The following HDDC2 variants were observed in gnomAD, a reference collection of about 807,000 sequenced individuals.
HDDC2 encodes the protein HD domain containing 2, also known as 5'-deoxynucleotidase HDDC2.
Under a neutral mutation model 25.5 loss-of-function variants are expected in HDDC2, and 25 were observed. The observed-to-expected ratio is 0.98, with a 90% CI of 0.72 to 1.37. The LOEUF is 1.37. HDDC2 is among the 40% of genes most tolerant of loss of function. The probability of loss-of-function intolerance (pLI) is 0.00; values close to 1 mark genes in which losing one functional copy is unlikely to be tolerated. For missense variants in HDDC2, 264 were observed against 253.1 expected, an observed-to-expected ratio of 1.04 and a Z score of -0.29; for synonymous variants, 106 against 89.7, an observed-to-expected ratio of 1.18 and a Z score of -1.03.
At chr6:125,298,389 A>G (rs997466054) in intron 3 of HDDC2, among the ~76,000 whole-genome samples, 4 of 152,230 alleles carry the variant, frequency 2.6e-5, no homozygotes, top group Non-Finnish European at 5.9e-5. Flanking sequence ...TAAGGCTGTA[A>G]ACCCCCTAAA....
At chr6:125,295,805 C>G (rs565377011) in intron 3 of HDDC2, among the ~76,000 whole-genome samples, 10 of 152,298 alleles carry the variant, frequency 6.6e-5, no homozygotes, top group African/African-American at 2.4e-4. Flanking sequence ...AGGAATATGA[C>G]CTGCCACCAT....
At chr6:125,282,822 T>C (rs1798478443) in intron 4 of HDDC2, among the ~76,000 whole-genome samples, 1 of 152,172 alleles carries the variant, frequency 6.6e-6, no homozygotes, top group Non-Finnish European at 1.5e-5. Flanking sequence ...GAGGAAGATT[T>C]ACCAAGCAAA....
intron 3 of HDDC2, among the ~76,000 whole-genome samples, chr6:125,297,220 C>T (rs1798717522): frequency 6.6e-6 from 1 of 152,194 alleles, no homozygotes; most frequent in Non-Finnish European, 1.5e-5. Flanking sequence ...TTCCTTTCTG[C>T]AACTAAGAAT....
At chr6:125,277,910 T>A (rs1405199582) in intron 4 of HDDC2, 3 of 152,212 alleles carry the variant, frequency 2.0e-5, no homozygotes, top group Non-Finnish European at 4.4e-5. Flanking sequence ...GGTCCCTCCC[T>A]CTGCAGTGCA....
At chr6:125,297,518 C>A in intron 3 of HDDC2, 1 of 399,376 alleles carries the variant, frequency 2.5e-6, no homozygotes, top group Non-Finnish European at 4.4e-6. Context: ...CTACTGAGCC[C>A]GTTAGTCTAC....
chr6:125,280,972 G>A (rs1282620871), intron 4 of HDDC2, among the ~76,000 whole-genome samples: 1 of 152,200 alleles, frequency 6.6e-6, no homozygotes, highest in Non-Finnish European at 1.5e-5. Flanking sequence ...TAGCATCTAG[G>A]GGGTGCCCCT....
chr6:125,280,297 G>C (rs190569881), intron 4 of HDDC2, among the ~76,000 whole-genome samples: 94 of 152,266 alleles, frequency 6.2e-4, no homozygotes, highest in African/African-American at 2.2e-3. Context: ...TAGGTTTCAA[G>C]CACAAAACTG....
chr6:125,293,125 A>G, intron 3 of HDDC2: 1 of 627,444 alleles, frequency 1.6e-6, no homozygotes, highest in South Asian at 1.7e-5. Flanking sequence ...GGCTTCGCTT[A>G]GCACCTCTTT....
At chr6:125,301,442 T>TAC (rs3039619) in intron 1 of HDDC2, among the ~76,000 whole-genome samples, 32,591 of 144,866 alleles carry the variant, frequency 0.22, 6,222 homozygotes, top group African/African-American at 0.51. Context: ...AGCCGCGCTT[T>TAC]ACACACACAC....
At chr6:125,300,876 TAA>T (rs1203221704) in intron 1 of HDDC2, among the ~76,000 whole-genome samples, 1 of 149,902 alleles carries the variant, frequency 6.7e-6, no homozygotes, top group African/African-American at 2.5e-5. Context: ...CAGAGAGAGA[TAA>T]GTCACAAAGT....
At chr6:125,289,337 C>T (rs1426946738) in intron 4 of HDDC2, among the ~76,000 whole-genome samples, 3 of 76,590 alleles carry the variant, frequency 3.9e-5, no homozygotes, top group Non-Finnish European at 7.2e-5. Context: ...GTGGTGGGGT[C>T]GGGGGAGGGG....
At position 125,275,489 on chromosome 6, in the gene HDDC2, A is replaced by G. The variant is rs1798353863; in HGVS notation, c.*657T>C. ...TTTTACAATAAAGGTCTCAAGATTT[A>G]TAAGTCAGACAGGGAAAAATATACA... On this transcript the variant is annotated 3_prime_UTR_variant, in exon 6 of 6. Coordinates refer to ENST00000398153, the MANE Select transcript of HDDC2 (RefSeq NM_016063.3). 1 of 152,252 alleles carries G rather than the reference A, an allele frequency of 6.6e-6. No homozygotes were observed. The highest frequency in any genetic ancestry group is 1.5e-5 in the Non-Finnish European group (1 of 68,050). 9.4% of individuals were successfully genotyped at this position (152,252 alleles called of 1,614,324 possible).
At chr6:125,276,995 A>C (rs1281179220) in intron 5 of HDDC2, 107 bp downstream of exon 5, 1 of 1,059,606 alleles carries the variant, frequency 9.4e-7, no homozygotes, top group African/African-American at 1.6e-5. Flanking sequence ...TCCACATGAA[A>C]GGGTCAGATG....
chr6:125,294,212 CATAAA>C (rs1451011308), intron 3 of HDDC2, among the ~76,000 whole-genome samples: 4 of 152,092 alleles, frequency 2.6e-5, no homozygotes, highest in African/African-American at 9.7e-5. Context: ...AAAGGTCTTA[CATAAA>C]ATAAAATAGT....
At chr6:125,300,495 A>T in intron 2 of HDDC2, 43 bp downstream of exon 2, 1 of 1,601,580 alleles carries the variant, frequency 6.2e-7, no homozygotes, top group Non-Finnish European at 8.5e-7. Flanking sequence ...GCACACCCAT[A>T]GACCAGAATC....
chr6:125,280,948 AG>A (rs1385186948), intron 4 of HDDC2, among the ~76,000 whole-genome samples: 7 of 152,224 alleles, frequency 4.6e-5, no homozygotes, highest in African/African-American at 1.7e-4. Context: ...CATCTCATAC[AG>A]GAGAGCTCTG....
At chr6:125,280,840 TCTC>T (rs1798447785) in intron 4 of HDDC2, among the ~76,000 whole-genome samples, 1 of 152,208 alleles carries the variant, frequency 6.6e-6, no homozygotes, top group East Asian at 1.9e-4. Context: ...CAGCAGCAGA[TCTC>T]CTAGCACAGT....
At chr6:125,286,873 T>A (rs868415821) in intron 4 of HDDC2, among the ~76,000 whole-genome samples, 2 of 152,040 alleles carry the variant, frequency 1.3e-5, no homozygotes, top group African/African-American at 4.8e-5. Flanking sequence ...AAAACAAAAA[T>A]AAAATATTAG....
chr6:125,298,749 T>C lies in HDDC2; in HGVS notation c.274A>G (p.Asn92Asp). Residue 92 changes from asparagine (N) to aspartate (D), a missense_variant, in exon 3 of 6, where the codon AAC becomes GAC. Asn to Asp is a conservative substitution (Grantham distance 23). Transcript: ENST00000398153. Reference sequence around the variant, plus strand: ...CTATGTTTTTCTTCTTTGGGGATGTTATCTGCTGGTGCTATGTCCCCAACG... The same window carrying C: ...CTATGTTTTTCTTCTTTGGGGATGTCATCTGCTGGTGCTATGTCCCCAACG... The part of the protein sequence containing the change: ...CIVGDIAPAD[N>D]IPKEEKHRRE... The C allele has an allele frequency of 6.2e-7, 1 of 1,614,148 alleles. No homozygotes were observed.
Sources: allele counts gnomAD v4.1 joint callset (sites outside exome capture counted in the v4.1 genomes callset), GRCh38; gene constraint gnomAD v4.1.1; transcripts MANE v1.5; gene names NCBI Gene and HGNC (gene_info 2026-07-23, HGNC 2026-07-21).